The following NKAIN3 variants were observed in gnomAD, a reference collection of about 807,000 sequenced individuals.
NKAIN3 encodes sodium/potassium transporting ATPase interacting 3, also known as sodium/potassium-transporting ATPase subunit beta-1-interacting protein 3.
Under a neutral mutation model 30.2 loss-of-function variants are expected in NKAIN3, and 25 were observed. That is an observed-to-expected ratio of 0.83 (90% CI 0.60 to 1.16). The LOEUF (loss-of-function observed/expected upper bound fraction) is 1.16. Ranked by LOEUF, NKAIN3 falls within the 50% of genes most tolerant of loss-of-function variation. The pLI is 0.00. For missense variants in NKAIN3, 225 were observed against 254.1 expected, an observed-to-expected ratio of 0.89 and a Z score of 0.78; for synonymous variants, 91 against 89.6, an observed-to-expected ratio of 1.02 and a Z score of -0.09.
intron 1 of NKAIN3, among the ~76,000 whole-genome samples, chr8:62,277,968 C>T (rs13255752): frequency 0.61 from 92,411 of 151,882 alleles, 28,260 homozygotes; most frequent in East Asian, 0.68. Context: ...ACCTGGAGCC[C>T]AACCGGAGTA....
At chr8:62,591,632 G>T (rs566722359) in intron 3 of NKAIN3, among the ~76,000 whole-genome samples, 2 of 152,040 alleles carry the variant, frequency 1.3e-5, no homozygotes, top group Admixed American at 6.6e-5. Context: ...TGAAAACATG[G>T]ACATAGTAGT....
intron 1 of NKAIN3, 117 bp from the exon 2 acceptor site, chr8:62,579,422 G>T: frequency 1.5e-6 from 1 of 681,606 alleles, no homozygotes. Flanking sequence ...AATAATAACG[G>T]TGACAAAAAG....
At chr8:62,645,216 G>C (rs1812425921) in intron 3 of NKAIN3, among the ~76,000 whole-genome samples, 1 of 152,108 alleles carries the variant, frequency 6.6e-6, no homozygotes, top group South Asian at 2.1e-4. Flanking sequence ...TGAACAGCAG[G>C]AAAATAAGGA....
chr8:62,398,102 TGAGGAGATGAAC>T (rs1355255067), intron 1 of NKAIN3, among the ~76,000 whole-genome samples: 1 of 151,914 alleles, frequency 6.6e-6, no homozygotes, highest in African/African-American at 2.4e-5. Flanking sequence ...AGAAGCAGGC[TGAGGAGATGAAC>T]GAGGAGATAA....
intron 3 of NKAIN3, among the ~76,000 whole-genome samples, chr8:62,703,934 T>C (rs898109621): frequency 3.3e-5 from 5 of 152,188 alleles, no homozygotes; most frequent in Non-Finnish European, 5.9e-5. Context: ...GCTTGTAGCA[T>C]TTGCTCTCTG....
intron 5 of NKAIN3, among the ~76,000 whole-genome samples, chr8:62,932,995 AACACACACACACACAC>A (rs59854103): frequency 7.1e-6 from 1 of 141,794 alleles, no homozygotes; most frequent in East Asian, 2.1e-4. Context: ...TCACTCAATG[AACACACACACACACAC>A]ACACACACAC....
chr8:62,560,744 G>C (rs560228438), intron 1 of NKAIN3, among the ~76,000 whole-genome samples: 2 of 151,270 alleles, frequency 1.3e-5, no homozygotes, highest in Admixed American at 1.3e-4. Context: ...TTTCACCATG[G>C]TGGCCAGGCT....
In NKAIN3 at chr8:62,478,050, C is replaced by T. The variant is rs533550420; in HGVS notation, c.55-101489C>T. On this transcript the variant is annotated intron_variant, in intron 1 of 6. Coordinates refer to ENST00000623646, the MANE Select transcript of NKAIN3 (RefSeq NM_001304533.3). ...CACTAATCCCATCAGAAGTTCTCCC[C>T]ACTCATGACCTAATAACTTCCCAAA... is the stretch of plus-strand genomic sequence containing the variant. 3.3e-5 allele frequency among the ~76,000 whole-genome samples: 5 copies of T among 152,266 alleles called. No homozygotes were observed. The South Asian group carries it at 1.0e-3, about 32-fold the overall frequency.
chr8:62,940,048 G>A (rs1396190492), intron 5 of NKAIN3, among the ~76,000 whole-genome samples: 3 of 151,640 alleles, frequency 2.0e-5, no homozygotes, highest in Non-Finnish European at 4.4e-5. Flanking sequence ...ATAAACTTAA[G>A]GTAAAGAGGT....
chr8:62,643,611 A>C (rs1812374779), intron 3 of NKAIN3, among the ~76,000 whole-genome samples: 1 of 152,086 alleles, frequency 6.6e-6, no homozygotes, highest in African/African-American at 2.4e-5. Flanking sequence ...GGAACTGTGG[A>C]TTCCCTGTCT....
At chr8:62,476,036 G>A (rs1452563371) in intron 1 of NKAIN3, among the ~76,000 whole-genome samples, 1 of 152,072 alleles carries the variant, frequency 6.6e-6, no homozygotes, top group East Asian at 1.9e-4. Context: ...AAAATACATG[G>A]CACATATCAA....
intron 4 of NKAIN3, 143 bp from the exon 5 acceptor site, chr8:62,918,310 A>G: frequency 1.5e-6 from 1 of 675,584 alleles, no homozygotes; most frequent in Admixed American, 2.8e-5. Flanking sequence ...TTTTAAAATC[A>G]CAGCTATCAT....
In NKAIN3 at chr8:62,934,297, G is replaced by A. The variant is rs147386289; in HGVS notation, c.532+15784G>A. On this transcript the variant is annotated intron_variant, in intron 5 of 6. Transcript: ENST00000623646. ...GAAGGCTGAGGTGGGAGGATCTCTT[G>A]GGCCTAGGAGATTAAGGCTGCAGTG... 5.9e-5 allele frequency among the ~76,000 whole-genome samples: 9 copies of A among 151,652 alleles called. No individual in the cohort carries two copies. In the East Asian group the frequency reaches 1.7e-3, roughly 29 times the overall value.
chr8:62,609,201 A>G (rs1478898572), intron 3 of NKAIN3, among the ~76,000 whole-genome samples: 1 of 152,126 alleles, frequency 6.6e-6, no homozygotes, highest in Admixed American at 6.6e-5. Flanking sequence ...GTTACACCAA[A>G]CATAGAGTTG....
In NKAIN3 at chr8:62,690,362, A is replaced by G. The variant is rs1286821645; in HGVS notation, c.274-56570A>G. 3.9e-5 allele frequency among the ~76,000 whole-genome samples: 6 copies of G among 152,230 alleles called. No individual in the cohort carries two copies. The East Asian group carries it at 1.2e-3, about 29-fold the overall frequency. ...GCTACCATGCCAGGGCCAGAGGGTA[A>G]CGAGGCAGGCACTTGTCCTTGAAAA... On this transcript the variant is annotated intron_variant, in intron 3 of 6. Transcript: ENST00000623646.
chr8:62,652,207 T>C (rs924416553), intron 3 of NKAIN3, among the ~76,000 whole-genome samples: 1 of 152,166 alleles, frequency 6.6e-6, no homozygotes, highest in Non-Finnish European at 1.5e-5. Context: ...TGAGAGGGCT[T>C]AAACTTTCAG....
intron 1 of NKAIN3, among the ~76,000 whole-genome samples, chr8:62,519,375 C>T (rs1299323767): frequency 6.6e-6 from 1 of 152,110 alleles, no homozygotes. Context: ...TAAAATGGTG[C>T]TGTCATTAGT....
At chr8:62,605,683 C>T (rs1465579377) in intron 3 of NKAIN3, among the ~76,000 whole-genome samples, 2 of 151,924 alleles carry the variant, frequency 1.3e-5, no homozygotes, top group Non-Finnish European at 2.9e-5. Context: ...AGTATTTACA[C>T]TATATTAAGT....
intron 3 of NKAIN3, among the ~76,000 whole-genome samples, chr8:62,647,368 G>A (rs1812495582): frequency 6.6e-6 from 1 of 152,164 alleles, no homozygotes; most frequent in African/African-American, 2.4e-5. Context: ...TAATCTCTAA[G>A]CCAATCAGGT....
Sources: allele counts gnomAD v4.1 joint callset (sites outside exome capture counted in the v4.1 genomes callset), GRCh38; gene constraint gnomAD v4.1.1; transcripts MANE v1.5; gene names NCBI Gene and HGNC (gene_info 2026-07-23, HGNC 2026-07-21).